COLEC11: variants seen among roughly 807,000 people sequenced by gnomAD.
COLEC11 encodes collectin-11.
A neutral mutation model predicts 27.3 loss-of-function variants in COLEC11; 20 were observed. The ratio of observed to expected loss-of-function variants is 0.73; its 90% CI spans 0.51 to 1.06. The LOEUF (loss-of-function observed/expected upper bound fraction) is 1.06, where lower values mean the gene tolerates loss of function less well. Ranked by LOEUF, COLEC11 falls within the 50% of genes least tolerant of loss-of-function variation. The pLI is 0.00. For synonymous variants in COLEC11, 163 were observed against 154.7 expected (o/e 1.05, Z -0.40); for missense variants, 310 against 383.0 (o/e 0.81, Z 1.59).
At chr2:3,634,795 C>T (rs968590659) in intron 3 of COLEC11, among the ~76,000 whole-genome samples, 8 of 152,166 alleles carry the variant, frequency 5.3e-5, no homozygotes, top group African/African-American at 1.9e-4. Context: ...AGGCAACGCA[C>T]TGAGCACTCT....
At chr2:3,611,460 G>A (rs1391795682) in intron 2 of COLEC11, among the ~76,000 whole-genome samples, 1 of 152,242 alleles carries the variant, frequency 6.6e-6, no homozygotes, top group African/African-American at 2.4e-5. Flanking sequence ...CGTCTTCTCT[G>A]TTCTTTCTTC....
At chr2:3,611,382 G>T (rs1013135271) in intron 2 of COLEC11, among the ~76,000 whole-genome samples, 2 of 152,198 alleles carry the variant, frequency 1.3e-5, no homozygotes, top group Non-Finnish European at 2.9e-5. Context: ...TCCCGGACTG[G>T]CCTCTCCCAT....
At chr2:3,633,518 T>C (rs1665163268) in intron 3 of COLEC11, among the ~76,000 whole-genome samples, 1 of 152,200 alleles carries the variant, frequency 6.6e-6, no homozygotes, top group South Asian at 2.1e-4. Context: ...TAGGGGGTTC[T>C]GAGAAACCCT....
chr2:3,640,060 C>T (rs917137294), intron 4 of COLEC11, among the ~76,000 whole-genome samples: 9 of 152,132 alleles, frequency 5.9e-5, no homozygotes, highest in Admixed American at 2.0e-4. Flanking sequence ...AATGATCACT[C>T]GATAATCCCT....
At chr2:3,608,068 G>T (rs1281074820) in intron 2 of COLEC11, among the ~76,000 whole-genome samples, 1 of 152,208 alleles carries the variant, frequency 6.6e-6, no homozygotes, top group Non-Finnish European at 1.5e-5. Flanking sequence ...TCCTCAACTG[G>T]CTATAAATAT....
intron 2 of COLEC11, among the ~76,000 whole-genome samples, chr2:3,607,449 C>CTTTTTTTTT (rs377560723): frequency 0.025 from 2,673 of 108,848 alleles, 202 homozygotes; most frequent in South Asian, 0.046. Context: ...TTTTTTTTTG[C>CTTTTTTTTT]TTTTTTTTTT....
intron 2 of COLEC11, among the ~76,000 whole-genome samples, chr2:3,610,024 A>G (rs115406953): frequency 1.6e-3 from 238 of 152,372 alleles, no homozygotes; most frequent in African/African-American, 5.3e-3. Context: ...GGTTGGTCAG[A>G]AGCTATCATG....
At chr2:3,633,460 AG>A (rs1665158920) in intron 3 of COLEC11, among the ~76,000 whole-genome samples, 1 of 152,208 alleles carries the variant, frequency 6.6e-6, no homozygotes, top group Non-Finnish European at 1.5e-5. Flanking sequence ...TCCGGCGAGT[AG>A]AGCTCAGCTC....
At chr2:3,611,937 A>G (rs1663228609) in intron 2 of COLEC11, among the ~76,000 whole-genome samples, 1 of 147,382 alleles carries the variant, frequency 6.8e-6, no homozygotes, top group Admixed American at 6.7e-5. Context: ...GAGCTGGTCC[A>G]GTATGATAAA....
In COLEC11 at chr2:3,611,876, C is replaced by T. The variant is rs574120219; in HGVS notation, c.131-1435C>T. 2.4e-4 allele frequency among the ~76,000 whole-genome samples: 37 copies of T among 152,200 alleles called. No homozygotes were observed. In the East Asian group the frequency reaches 2.5e-3, roughly 10 times the overall value. On this transcript the variant is annotated intron_variant, in intron 2 of 6. Transcript: ENST00000349077. The stretch of plus-strand genomic sequence containing the variant: ...CCAAGACAAGGTGTGTGGGCCACAA[C>T]GTGTGTGGGCGGCAAGCCGTCCAGG...
chr2:3,617,603 T>G, intron 3 of COLEC11: 1 of 1,612,120 alleles, frequency 6.2e-7, no homozygotes, highest in Non-Finnish European at 8.5e-7. Flanking sequence ...AGGCAGTGGA[T>G]TTTTCTCTTG....
intron 2 of COLEC11, 33 bp from the exon 3 acceptor site, chr2:3,613,278 C>T (rs768537499): frequency 8.2e-6 from 13 of 1,591,464 alleles, no homozygotes; most frequent in East Asian, 6.8e-5. Flanking sequence ...GCTGGCCAGA[C>T]GAGCTGCTAA....
At chr2:3,604,549 C>G in intron 2 of COLEC11, 79 bp downstream of exon 2, 1 of 1,506,816 alleles carries the variant, frequency 6.6e-7, no homozygotes, top group Non-Finnish European at 9.2e-7. Context: ...CTGCGCAGTT[C>G]CACGGAAAAG....
chr2:3,627,727 C>T (rs1664666157), intron 3 of COLEC11, among the ~76,000 whole-genome samples: 1 of 151,102 alleles, frequency 6.6e-6, no homozygotes, highest in South Asian at 2.1e-4. Flanking sequence ...CGATGCTGGG[C>T]ATGATGATGG....
intron 1 of COLEC11, among the ~76,000 whole-genome samples, chr2:3,601,730 C>A (rs150931181): frequency 3.3e-5 from 5 of 152,166 alleles, no homozygotes; most frequent in African/African-American, 7.2e-5. Flanking sequence ...CTCTCCCACG[C>A]GCGTGCCCAA....
In COLEC11 at chr2:3,595,902, T is replaced by C. The variant is rs138351081; in HGVS notation, c.-27+734T>C. Among the ~76,000 whole-genome samples the C allele has an allele frequency of 1.6e-4, 25 of 152,368 alleles. 1 individual carries two copies. The East Asian group carries it at 4.6e-3, about 28-fold the overall frequency. ...GTGCATAGCTGGAATTTTGGTTTGA[T>C]GGGAAGCACTTTGCCTGTGGTAGGC... is the stretch of plus-strand genomic sequence containing the variant. On this transcript the variant is annotated intron_variant, in intron 1 of 6. Transcript: ENST00000349077.
rs756469756 is a variant in COLEC11 at position 3,644,049 on chromosome 2, C to T, written c.747C>T (p.Gly249=). 138 of 1,613,696 alleles carry T rather than the reference C, an allele frequency of 8.6e-5. No homozygotes were observed. The highest frequency in any genetic ancestry group is 3.3e-4 in the Middle Eastern group (2 of 6,062). Residue 249 remains glycine, a synonymous_variant, in exon 7 of 7, where the codon GGC becomes GGT. Coordinates refer to ENST00000349077, the MANE Select transcript of COLEC11 (RefSeq NM_024027.5). ...EEDCVEMVAS[G]GWNDVACHTT... is the part of the protein sequence containing the mutation. ...ACTGCGTGGAGATGGTGGCCTCGGG[C>T]GGCTGGAACGACGTGGCCTGCCACA...
intron 2 of COLEC11, chr2:3,605,150 G>A (rs911264865): frequency 1.2e-4 from 54 of 463,076 alleles, no homozygotes; most frequent in Admixed American, 1.7e-4. Flanking sequence ...GGGGGAGCCC[G>A]GTGTGAAATG....
At chr2:3,630,843 G>A (rs531581881) in intron 3 of COLEC11, among the ~76,000 whole-genome samples, 1 of 152,214 alleles carries the variant, frequency 6.6e-6, no homozygotes, top group South Asian at 2.1e-4. Context: ...CTTCACTCTC[G>A]GCCAGTCTGC....
Sources: allele counts gnomAD v4.1 joint callset (sites outside exome capture counted in the v4.1 genomes callset), GRCh38; gene constraint gnomAD v4.1.1; transcripts MANE v1.5; gene names NCBI Gene and HGNC (gene_info 2026-07-23, HGNC 2026-07-21).